The following MAPK10 variants were observed in gnomAD, a reference collection of about 807,000 sequenced individuals.
The protein encoded by MAPK10 is mitogen-activated protein kinase 10.
Under a neutral mutation model 59.3 loss-of-function variants are expected in MAPK10, and 25 were observed. The ratio of observed to expected loss-of-function variants is 0.42; its 90% CI spans 0.31 to 0.59. MAPK10 has a LOEUF of 0.59. MAPK10 is among the 20% of genes least tolerant of loss of function. The probability of loss-of-function intolerance (pLI) is 0.15; values close to 1 mark genes in which losing one functional copy is unlikely to be tolerated. For synonymous variants in MAPK10, 190 were observed against 200.5 expected (o/e 0.95, Z 0.44); for missense variants, 351 against 568.9 (o/e 0.62, Z 3.90).
intron 11 of MAPK10, among the ~76,000 whole-genome samples, chr4:86,057,938 C>A: frequency 6.7e-6 from 1 of 149,728 alleles, no homozygotes; most frequent in East Asian, 1.9e-4. Context: ...ACTCCCCTTA[C>A]GTACATGTGG....
chr4:86,203,022 G>A (rs1369065218), intron 2 of MAPK10, among the ~76,000 whole-genome samples: 3 of 151,972 alleles, frequency 2.0e-5, no homozygotes, highest in Non-Finnish European at 4.4e-5. Context: ...CAACACAGAT[G>A]ATCAAGGTGG....
chr4:86,392,050 G>A (rs905626801), intron 1 of MAPK10, among the ~76,000 whole-genome samples: 2 of 152,136 alleles, frequency 1.3e-5, no homozygotes, highest in African/African-American at 4.8e-5. Flanking sequence ...GCTGGAAGTG[G>A]AGTATCTCTT....
chr4:86,200,439 C>A (rs1267739512), intron 2 of MAPK10, among the ~76,000 whole-genome samples: 1 of 151,960 alleles, frequency 6.6e-6, no homozygotes, highest in East Asian at 1.9e-4. Flanking sequence ...TTATTGGGCT[C>A]TTTTTGCTCA....
At chr4:86,247,432 T>C (rs2093166354) in intron 2 of MAPK10, among the ~76,000 whole-genome samples, 3 of 152,242 alleles carry the variant, frequency 2.0e-5, no homozygotes, top group African/African-American at 7.2e-5. Flanking sequence ...GAATCTTTAC[T>C]GCTGAGTTTT....
chr4:86,373,503 CTA>C (rs779579383), intron 1 of MAPK10, among the ~76,000 whole-genome samples: 22 of 152,192 alleles, frequency 1.4e-4, no homozygotes, highest in Non-Finnish European at 2.4e-4. Context: ...TTTTTGCACT[CTA>C]TCCATCTGAC....
chr4:86,485,870 G>A (rs1579369085), intron 1 of MAPK10, among the ~76,000 whole-genome samples: 1 of 152,184 alleles, frequency 6.6e-6, no homozygotes, highest in East Asian at 1.9e-4. Flanking sequence ...ATAGTGAAAG[G>A]CAGCCATTTG....
In MAPK10 at chr4:86,166,075, C is replaced by T. The variant is rs569485084; in HGVS notation, c.67-6608G>A. ...GGCTTCTGCCTGCCTTCTTTACATA[C>T]GAAGGTGGGGAACTAATACTGCTTG... On this transcript the variant is annotated intron_variant, in intron 3 of 13. Transcript: ENST00000641462. Among the ~76,000 whole-genome samples, 22 of 152,246 alleles carry T rather than the reference C, an allele frequency of 1.4e-4. No homozygotes were observed. In the South Asian group the frequency reaches 2.5e-3, roughly 17 times the overall value.
chr4:86,078,642 A>G (rs1342099627), intron 9 of MAPK10, among the ~76,000 whole-genome samples: 1 of 151,946 alleles, frequency 6.6e-6, no homozygotes, highest in African/African-American at 2.4e-5. Context: ...CATATGATAG[A>G]GTTCTGAATC....
intron 4 of MAPK10, among the ~76,000 whole-genome samples, chr4:86,146,289 T>C (rs1035160084): frequency 6.6e-6 from 1 of 152,206 alleles, no homozygotes; most frequent in Admixed American, 6.5e-5. Context: ...TTATGGAGCT[T>C]ACAGTCTAGT....
At chr4:86,142,264 T>C (rs1398452486) in intron 4 of MAPK10, among the ~76,000 whole-genome samples, 1 of 152,216 alleles carries the variant, frequency 6.6e-6, no homozygotes, top group Non-Finnish European at 1.5e-5. Context: ...CTAATGTTTA[T>C]GCATCGGTAG....
At chr4:86,485,792 A>T (rs1006758679) in intron 1 of MAPK10, among the ~76,000 whole-genome samples, 1 of 152,198 alleles carries the variant, frequency 6.6e-6, no homozygotes, top group Non-Finnish European at 1.5e-5. Flanking sequence ...ATTCAATAGG[A>T]CTATTGTCCT....
At chr4:86,260,910 A>G (rs928364535) in intron 2 of MAPK10, among the ~76,000 whole-genome samples, 1 of 152,186 alleles carries the variant, frequency 6.6e-6, no homozygotes, top group Non-Finnish European at 1.5e-5. Flanking sequence ...TGCAATGAAG[A>G]GATAAACATC....
intron 9 of MAPK10, among the ~76,000 whole-genome samples, chr4:86,093,284 C>T (rs753398525): frequency 1.1e-4 from 16 of 151,952 alleles, no homozygotes; most frequent in Non-Finnish European, 1.5e-4. Context: ...ATTTCTGAGA[C>T]TTCTCCTTAA....
In MAPK10 at chr4:86,162,690, A is replaced by C. The variant is rs115444646; in HGVS notation, c.67-3223T>G. On this transcript the variant is annotated intron_variant, in intron 3 of 13. Coordinates refer to ENST00000641462, the MANE Select transcript of MAPK10 (RefSeq NM_138982.4). ...ACAACTTTCACAGTAGCAACTAACC[A>C]CCTGCGCTCATTCAATATCATTAAT... 6.2e-3 allele frequency among the ~76,000 whole-genome samples: 937 copies of C among 152,132 alleles called. 4 individuals are homozygous for C. Among genetic ancestry groups the C allele is most frequent in the African/African-American group, 0.021 (878 of 41,498 alleles).
chr4:86,257,738 T>G (rs910987409), intron 2 of MAPK10, among the ~76,000 whole-genome samples: 1 of 152,196 alleles, frequency 6.6e-6, no homozygotes, highest in Non-Finnish European at 1.5e-5. Flanking sequence ...AAACTCCAAG[T>G]TCAAATTTGT....
rs1278467696 is a variant in MAPK10 at position 86,552,686 on chromosome 4, G to T, written c.-263+41224C>A. 2.0e-5 allele frequency among the ~76,000 whole-genome samples: 3 copies of T among 152,014 alleles called. No homozygotes were observed. In the East Asian group the frequency reaches 5.8e-4, roughly 29 times the overall value. On this transcript the variant is annotated intron_variant, in intron 1 of 4. Transcript: ENST00000502302. Reference sequence around the variant, plus strand: ...CTTTTTTTCTGGATTATTTTTTCAAGGATATTTTTATAGAGAACAATTTTG... The same window carrying T: ...CTTTTTTTCTGGATTATTTTTTCAATGATATTTTTATAGAGAACAATTTTG...
chr4:86,133,463 A>C (rs955758595), intron 4 of MAPK10, among the ~76,000 whole-genome samples: 5 of 152,208 alleles, frequency 3.3e-5, no homozygotes, highest in Non-Finnish European at 5.9e-5. Context: ...AAATTTTATA[A>C]GCTTAATGTG....
At chr4:86,225,984 G>A (rs1379616863) in intron 2 of MAPK10, among the ~76,000 whole-genome samples, 2 of 152,190 alleles carry the variant, frequency 1.3e-5, no homozygotes, top group African/African-American at 4.8e-5. Context: ...TATAGACAGG[G>A]ATGTTTAACA....
chr4:86,368,943 C>T (rs1476364555), intron 1 of MAPK10, among the ~76,000 whole-genome samples: 3 of 152,050 alleles, frequency 2.0e-5, no homozygotes, highest in African/African-American at 7.2e-5. Context: ...TAGAAAACGC[C>T]CTTTTCTTAG....
Sources: allele counts gnomAD v4.1 joint callset (sites outside exome capture counted in the v4.1 genomes callset), GRCh38; gene constraint gnomAD v4.1.1; transcripts MANE v1.5; gene names NCBI Gene and HGNC (gene_info 2026-07-23, HGNC 2026-07-21).